Variants in EYS observed in about 807,000 individuals in gnomAD.
The protein encoded by EYS is EGF-like photoreceptor maintenance factor, also known as protein eyes shut homolog.
EYS carries 250 observed loss-of-function variants against 282.1 expected under a neutral mutation model. That is an observed-to-expected ratio of 0.89 (90% CI 0.80 to 0.98). The LOEUF is 0.98. Among genes scored for constraint, EYS ranks in the 50% least tolerant of loss-of-function variants. EYS has a pLI of 0.00. For synonymous variants in EYS, 1,355 were observed against 1,282.9 expected (o/e 1.06, Z -1.20); for missense variants, 4,016 against 3,709.0 (o/e 1.08, Z -2.15).
intron 5 of EYS, among the ~76,000 whole-genome samples, chr6:65,433,859 A>G (rs899079551): frequency 1.3e-5 from 2 of 152,170 alleles, no homozygotes; most frequent in Non-Finnish European, 2.9e-5. Flanking sequence ...GGAAAAATTA[A>G]CAAGTTGAAA....
chr6:65,355,241 A>G (rs1272404470), intron 8 of EYS, among the ~76,000 whole-genome samples: 1 of 152,134 alleles, frequency 6.6e-6, no homozygotes, highest in Non-Finnish European at 1.5e-5. Context: ...GAGTCCCCAA[A>G]GACTGCATAT....
intron 14 of EYS, among the ~76,000 whole-genome samples, chr6:64,970,165 A>T (rs1770241932): frequency 2.0e-5 from 3 of 152,156 alleles, no homozygotes. Flanking sequence ...AAAAGTTGTG[A>T]AAAAGTTAGA....
intron 14 of EYS, among the ~76,000 whole-genome samples, chr6:64,948,889 G>T (rs1156771805): frequency 6.6e-6 from 1 of 151,600 alleles, no homozygotes; most frequent in Non-Finnish European, 1.5e-5. Context: ...AAAAACACAG[G>T]TCTACAATAT....
Position 65,335,068 on chromosome 6 carries a change from C to T in EYS, c.1678G>A (p.Gly560Ser). 6.2e-7 allele frequency: 1 copy of T among 1,611,994 alleles called. No individual in the cohort carries two copies. ...YRYLCFLRWAGNMYLENTTDD... is the reference protein window; with the variant it reads ...YRYLCFLRWASNMYLENTTDD... Reference sequence around the variant, plus strand: ...GTTGTATTTTCCAGATACATGTTGCCAGCCCATCTGAGAAAACATAGATAC... The same window carrying T: ...GTTGTATTTTCCAGATACATGTTGCTAGCCCATCTGAGAAAACATAGATAC... The change falls in exon 11 of 43, where the codon GGC becomes AGC. Residue 560 changes from glycine (G) to serine (S), a missense_variant. Coordinates refer to ENST00000503581, the MANE Select transcript of EYS (RefSeq NM_001142800.2).
intron 31 of EYS, among the ~76,000 whole-genome samples, chr6:64,160,644 C>T (rs1775075799): frequency 6.6e-6 from 1 of 152,194 alleles, no homozygotes; most frequent in Non-Finnish European, 1.5e-5. Context: ...TAATTTTTAT[C>T]TTTTCAATGC....
At chr6:64,080,215 T>C (rs901190817) in intron 32 of EYS, among the ~76,000 whole-genome samples, 1 of 152,156 alleles carries the variant, frequency 6.6e-6, no homozygotes, top group East Asian at 1.9e-4. Flanking sequence ...TCCTCTCCAG[T>C]ACCTGTTGTT....
intron 13 of EYS, among the ~76,000 whole-genome samples, chr6:64,997,923 AAAT>A (rs1243116803): frequency 1.3e-5 from 2 of 152,156 alleles, no homozygotes; most frequent in Non-Finnish European, 2.9e-5. Context: ...CAGTTAGTTG[AAAT>A]AAGAACAATT....
intron 26 of EYS, among the ~76,000 whole-genome samples, chr6:64,489,418 CATA>C (rs1313815797): frequency 1.3e-5 from 2 of 149,724 alleles, no homozygotes; most frequent in African/African-American, 4.9e-5. Flanking sequence ...TATCAATATG[CATA>C]ATATTTTCAC....
intron 1 of EYS, among the ~76,000 whole-genome samples, chr6:65,701,872 G>T: frequency 6.6e-6 from 1 of 152,150 alleles, no homozygotes. Context: ...TCACAGTTTA[G>T]AAATATTTCA....
intron 28 of EYS, among the ~76,000 whole-genome samples, chr6:64,422,476 C>T (rs943244496): frequency 1.3e-5 from 2 of 152,124 alleles, no homozygotes; most frequent in African/African-American, 2.4e-5. Context: ...TGAGGACCTT[C>T]GTACTTTAAA....
At chr6:65,181,004 A>G (rs1223715160) in intron 12 of EYS, among the ~76,000 whole-genome samples, 2 of 152,330 alleles carry the variant, frequency 1.3e-5, no homozygotes, top group South Asian at 4.1e-4. Flanking sequence ...GGCTAGCCAT[A>G]TGTAGAAAGC....
chr6:65,001,727 C>T (rs923283616), intron 13 of EYS, among the ~76,000 whole-genome samples: 4 of 147,478 alleles, frequency 2.7e-5, no homozygotes, highest in Non-Finnish European at 6.1e-5. Flanking sequence ...GTTTAGCTTC[C>T]CAAACCATTT....
At chr6:64,040,427 T>C (rs752536866) in intron 33 of EYS, among the ~76,000 whole-genome samples, 2 of 152,210 alleles carry the variant, frequency 1.3e-5, no homozygotes, top group African/African-American at 4.8e-5. Context: ...TAATCAATCT[T>C]GTGAAAGTTA....
intron 5 of EYS, among the ~76,000 whole-genome samples, chr6:65,437,222 G>A (rs944684133): frequency 6.6e-6 from 1 of 151,934 alleles, no homozygotes; most frequent in African/African-American, 2.4e-5. Flanking sequence ...AAATAATAAA[G>A]CAATATCCTA....
At chr6:64,907,649 T>C (rs187144489) in intron 16 of EYS, among the ~76,000 whole-genome samples, 2 of 152,236 alleles carry the variant, frequency 1.3e-5, no homozygotes, top group Non-Finnish European at 2.9e-5. Flanking sequence ...GAAGAGAACA[T>C]GGTAGTTGAC....
At chr6:65,060,554 TG>T (rs1773540095) in intron 12 of EYS, among the ~76,000 whole-genome samples, 1 of 151,890 alleles carries the variant, frequency 6.6e-6, no homozygotes, top group Non-Finnish European at 1.5e-5. Flanking sequence ...CCCTGTTTCT[TG>T]TTCACCCTCT....
At chr6:63,742,713 C>T (rs900308557) in intron 41 of EYS, among the ~76,000 whole-genome samples, 5 of 152,110 alleles carry the variant, frequency 3.3e-5, no homozygotes, top group African/African-American at 9.7e-5. Context: ...CCAATGGTAC[C>T]ATCTCTTGGC....
intron 26 of EYS, among the ~76,000 whole-genome samples, chr6:64,514,333 T>C (rs781565543): frequency 6.6e-6 from 1 of 151,834 alleles, no homozygotes; most frequent in Non-Finnish European, 1.5e-5. Context: ...TGAATTTCAG[T>C]GCTAATTAGG....
intron 19 of EYS, among the ~76,000 whole-genome samples, chr6:64,878,259 A>G (rs1766812093): frequency 6.6e-6 from 1 of 152,048 alleles, no homozygotes; most frequent in African/African-American, 2.4e-5. Context: ...AATGGAGAGA[A>G]TCCATACAGC....
Sources: allele counts gnomAD v4.1 joint callset (sites outside exome capture counted in the v4.1 genomes callset), GRCh38; gene constraint gnomAD v4.1.1; transcripts MANE v1.5; gene names NCBI Gene and HGNC (gene_info 2026-07-23, HGNC 2026-07-21).